Variants in FOXN3 observed in about 807,000 individuals in gnomAD.
The protein encoded by FOXN3 is forkhead box protein N3.
A neutral mutation model predicts 38.4 loss-of-function variants in FOXN3; 7 were observed. That is an observed-to-expected ratio of 0.18 (90% CI 0.10 to 0.34). The LOEUF is 0.34. Ranked by LOEUF, FOXN3 falls within the 10% of genes least tolerant of loss-of-function variation. The probability of loss-of-function intolerance (pLI) is 1.00; values close to 1 mark genes in which losing one functional copy is unlikely to be tolerated. For missense variants in FOXN3, 456 were observed against 613.4 expected (o/e 0.74, Z 2.71); for synonymous variants, 230 against 242.2 (o/e 0.95, Z 0.47).
intron 2 of FOXN3, among the ~76,000 whole-genome samples, chr14:89,385,288 A>G (rs943334190): frequency 6.6e-6 from 1 of 152,156 alleles, no homozygotes; most frequent in East Asian, 1.9e-4. Flanking sequence ...AATATTGGCC[A>G]ATATCTATAG....
intron 1 of FOXN3, among the ~76,000 whole-genome samples, chr14:89,450,482 T>C (rs1474741447): frequency 1.3e-5 from 2 of 152,174 alleles, no homozygotes; most frequent in Non-Finnish European, 2.9e-5. Flanking sequence ...AACACCATGA[T>C]GGACACCTGG....
intron 1 of FOXN3, among the ~76,000 whole-genome samples, chr14:89,606,616 G>A (rs1212925841): frequency 2.0e-5 from 3 of 152,188 alleles, no homozygotes; most frequent in African/African-American, 4.8e-5. Context: ...TTGGGAGTCC[G>A]AGGTAGGCGG....
At chr14:89,371,680 C>T (rs917047800) in intron 2 of FOXN3, among the ~76,000 whole-genome samples, 4 of 151,980 alleles carry the variant, frequency 2.6e-5, no homozygotes, top group African/African-American at 9.7e-5. Context: ...CTACAGGCTC[C>T]CCTGCTCATG....
In FOXN3 at chr14:89,351,120, C is replaced by T. The variant is rs148056292; in HGVS notation, c.544-312G>A. ...TTTTCAGCGTCAACATTGAAGAACA[C>T]GTGCATTCTCTTCTAAAAATGAATT... On this transcript the variant is annotated intron_variant, in intron 2 of 5. Transcript: ENST00000557258. 262 of 184,506 alleles carry T rather than the reference C, an allele frequency of 1.4e-3. 2 individuals carry two copies. The highest frequency in any genetic ancestry group is 5.7e-3 in the African/African-American group (243 of 42,846). 11.4% of individuals were successfully genotyped at this position (184,506 alleles called of 1,614,324 possible). A position where few individuals can be genotyped will look rare whatever the true frequency, so the allele number is the denominator to read the frequency against.
At chr14:89,442,718 T>C (rs1892412233) in intron 1 of FOXN3, among the ~76,000 whole-genome samples, 1 of 151,260 alleles carries the variant, frequency 6.6e-6, no homozygotes, top group Non-Finnish European at 1.5e-5. Flanking sequence ...GATCTACAAC[T>C]TCCCAGTTTT....
At chr14:89,464,847 A>G (rs1307442820) in intron 1 of FOXN3, among the ~76,000 whole-genome samples, 2 of 151,778 alleles carry the variant, frequency 1.3e-5, no homozygotes, top group South Asian at 2.1e-4. Context: ...ACAGCTGCCC[A>G]CCACCACGCC....
At chr14:89,602,483 A>G (rs995010073) in intron 1 of FOXN3, among the ~76,000 whole-genome samples, 5 of 151,940 alleles carry the variant, frequency 3.3e-5, no homozygotes, top group African/African-American at 1.2e-4. Context: ...GTGGTAGGTG[A>G]CATTTTTTTC....
chr14:89,575,582 C>T (rs1248200509), intron 1 of FOXN3, among the ~76,000 whole-genome samples: 1 of 152,142 alleles, frequency 6.6e-6, no homozygotes, highest in Non-Finnish European at 1.5e-5. Flanking sequence ...AGCACAAAAA[C>T]CACCAAGTAT....
intron 1 of FOXN3, among the ~76,000 whole-genome samples, chr14:89,445,906 C>T (rs56396484): frequency 0.62 from 93,109 of 149,974 alleles, 29,325 homozygotes; most frequent in Middle Eastern, 0.74. Context: ...CATAATGAGA[C>T]GCTATCACTA....
rs951377329 is a variant in FOXN3 at position 89,163,792 on chromosome 14, G to A, written c.852-823C>T. Reference sequence around the variant, plus strand: ...GTGAAGCCTGGAGAAGTTCAGTGATGTACTTAAAGTCACACAACTGATCAC... The same window carrying A: ...GTGAAGCCTGGAGAAGTTCAGTGATATACTTAAAGTCACACAACTGATCAC... On this transcript the variant is annotated intron_variant, in intron 5 of 5. Coordinates refer to ENST00000557258, the MANE Select transcript of FOXN3 (RefSeq NM_005197.4). The surrounding 1 kb of genome is among the most constrained non-coding windows in gnomAD (Gnocchi z 4.3). Among the ~76,000 whole-genome samples the A allele has an allele frequency of 1.3e-5, 2 of 152,188 alleles. No individual in the cohort carries two copies. Among genetic ancestry groups the A allele is most frequent in the African/African-American group, 4.8e-5 (2 of 41,440 alleles).
intron 3 of FOXN3, among the ~76,000 whole-genome samples, chr14:89,303,510 A>C (rs1016674409): frequency 2.1e-5 from 1 of 48,194 alleles, no homozygotes; most frequent in African/African-American, 4.7e-5. Flanking sequence ...AAAAAAAAAC[A>C]AAAAAAAAAC....
At chr14:89,360,102 G>A (rs1889401684) in intron 2 of FOXN3, among the ~76,000 whole-genome samples, 2 of 152,172 alleles carry the variant, frequency 1.3e-5, no homozygotes. Context: ...ATTTCACTAT[G>A]AGTGCCCAGT....
rs1272336960 is a variant in FOXN3, at chr14:89,169,104, G to T, written c.852-6135C>A. On this transcript the variant is annotated intron_variant, in intron 5 of 5. Transcript: ENST00000557258. ...AATATATTTTAGGAAAGAGAAAAAT[G>T]ATCCAAAATGGAAGATCTGAGATGT... is the stretch of plus-strand genomic sequence containing the variant. 2.0e-5 allele frequency among the ~76,000 whole-genome samples: 3 copies of T among 152,138 alleles called. No individual in the cohort carries two copies. In the East Asian group the frequency reaches 5.8e-4, roughly 29 times the overall value.
chr14:89,526,156 C>T (rs544770519), intron 1 of FOXN3, among the ~76,000 whole-genome samples: 1 of 152,180 alleles, frequency 6.6e-6, no homozygotes, highest in East Asian at 1.9e-4. Context: ...CAAAAAGCAC[C>T]ACAGCTACTA....
intron 3 of FOXN3, among the ~76,000 whole-genome samples, chr14:89,288,383 C>T (rs1451130801): frequency 6.6e-6 from 1 of 152,124 alleles, no homozygotes; most frequent in Non-Finnish European, 1.5e-5. Context: ...GCACATAGTT[C>T]TTGTATGCCC....
At chr14:89,305,746 G>A (rs1237058614) in intron 3 of FOXN3, among the ~76,000 whole-genome samples, 1 of 152,194 alleles carries the variant, frequency 6.6e-6, no homozygotes, top group Non-Finnish European at 1.5e-5. Context: ...GGATTTGGGA[G>A]GTGCCCTGAT....
intron 1 of FOXN3, among the ~76,000 whole-genome samples, chr14:89,490,906 A>T (rs1254950333): frequency 6.6e-6 from 1 of 152,250 alleles, no homozygotes; most frequent in African/African-American, 2.4e-5. Context: ...CGAATCCTAC[A>T]AAAGTACATA....
intron 2 of FOXN3, among the ~76,000 whole-genome samples, chr14:89,369,445 C>G (rs189164223): frequency 4.7e-4 from 71 of 152,192 alleles, no homozygotes; most frequent in Non-Finnish European, 8.2e-4. Flanking sequence ...ATTCTACCAA[C>G]AAATCTAGAA....
At chr14:89,324,969 C>G (rs902743605) in intron 3 of FOXN3, among the ~76,000 whole-genome samples, 1 of 152,176 alleles carries the variant, frequency 6.6e-6, no homozygotes, top group Non-Finnish European at 1.5e-5. Flanking sequence ...TAGCAAGGCT[C>G]TAGGGTGGCG....
Sources: allele counts gnomAD v4.1 joint callset (sites outside exome capture counted in the v4.1 genomes callset), GRCh38; gene constraint gnomAD v4.1.1; non-coding constraint Gnocchi (gnomAD v3.1); transcripts MANE v1.5; gene names NCBI Gene and HGNC (gene_info 2026-07-23, HGNC 2026-07-21).